YES1: variants seen among roughly 807,000 people sequenced by gnomAD.
The protein encoded by YES1 is tyrosine-protein kinase Yes.
In YES1, 39 loss-of-function variants were observed where a neutral mutation model predicts 70.4. That is an observed-to-expected ratio of 0.55 (90% CI 0.43 to 0.72). The LOEUF is 0.72. Among genes scored for constraint, YES1 ranks in the 30% least tolerant of loss-of-function variants. The pLI is 0.00. For synonymous variants in YES1, 198 were observed against 218.6 expected, an observed-to-expected ratio of 0.91 and a Z score of 0.83; for missense variants, 495 against 644.8, an observed-to-expected ratio of 0.77 and a Z score of 2.52.
intron 1 of YES1, among the ~76,000 whole-genome samples, chr18:762,639 A>C (rs1904653851): frequency 6.6e-6 from 1 of 152,198 alleles, no homozygotes; most frequent in African/African-American, 2.4e-5. Flanking sequence ...GATTAAAAAA[A>C]ACTATATACT....
At chr18:751,536 C>T (rs1442548412) in intron 3 of YES1, among the ~76,000 whole-genome samples, 169 bp downstream of exon 3, 3 of 152,184 alleles carry the variant, frequency 2.0e-5, no homozygotes, top group Non-Finnish European at 2.9e-5. Context: ...CTTCTGGCTA[C>T]AGCAGCAGTG....
intron 1 of YES1, among the ~76,000 whole-genome samples, chr18:779,170 G>A (rs1297268495): frequency 1.3e-5 from 2 of 152,104 alleles, no homozygotes; most frequent in East Asian, 3.9e-4. Context: ...GGGAGGCTGA[G>A]GTGGGAGAAT....
intron 8 of YES1, 102 bp from the exon 9 acceptor site, chr18:739,913 T>C: frequency 1.2e-6 from 1 of 819,568 alleles, no homozygotes; most frequent in Non-Finnish European, 1.7e-6. Context: ...ACTTCTTAGC[T>C]TTTCATTTTT....
intron 2 of YES1, among the ~76,000 whole-genome samples, chr18:755,455 T>C (rs2080394702): frequency 6.6e-6 from 1 of 152,168 alleles, no homozygotes; most frequent in South Asian, 2.1e-4. Context: ...TTTTGCCATG[T>C]TGCCCAGGCT....
Position 798,305 on chromosome 18 carries a change from T to G in YES1, c.-9+13809A>C, listed in dbSNP as rs536049547. On this transcript the variant is annotated intron_variant, in intron 1 of 11. Coordinates refer to ENST00000314574, the MANE Select transcript of YES1 (RefSeq NM_005433.4). ...TTCTTACTCTAGCTATAAATTTATC[T>G]CTAAGAATCATCAATATTGTTTTTC... Among the ~76,000 whole-genome samples, 46 of 152,326 alleles carry G rather than the reference T, an allele frequency of 3.0e-4. 2 individuals carry two copies. The South Asian group carries it at 8.9e-3, about 29-fold the overall frequency.
chr18:746,914 G>GTA lies in YES1; in HGVS notation c.471-865_471-864dup, dbSNP rs555307370. On this transcript the variant is annotated intron_variant, in intron 4 of 11. Transcript: ENST00000314574. The stretch of plus-strand genomic sequence containing the variant: ...TCTCTACATATGTATGTGTGTGCAT[G>GTA]TATATATATACACATGTATTTTTTC... Among the ~76,000 whole-genome samples the GTA allele has an allele frequency of 3.6e-3, 547 of 152,220 alleles. 4 individuals carry two copies. Among genetic ancestry groups the GTA allele is most frequent in the African/African-American group, 0.012 (513 of 41,524 alleles).
At chr18:759,724 T>G (rs1009633240) in intron 1 of YES1, among the ~76,000 whole-genome samples, 11 of 151,992 alleles carry the variant, frequency 7.2e-5, no homozygotes, top group Non-Finnish European at 1.6e-4. Context: ...TCTTTTATTA[T>G]TATTATACTC....
At chr18:788,757 T>A (rs1355884033) in intron 1 of YES1, among the ~76,000 whole-genome samples, 1 of 152,114 alleles carries the variant, frequency 6.6e-6, no homozygotes, top group Non-Finnish European at 1.5e-5. Flanking sequence ...CTGTCTCTAC[T>A]AAAAATATTT....
chr18:746,722 T>C (rs1247697506), intron 4 of YES1, among the ~76,000 whole-genome samples: 1 of 152,254 alleles, frequency 6.6e-6, no homozygotes, highest in Non-Finnish European at 1.5e-5. Flanking sequence ...GTAGCGTTTA[T>C]GAATCCCAGA....
Position 724,549 on chromosome 18 carries a change from C to T in YES1, c.1507G>A (p.Glu503Lys), listed in dbSNP as rs1297802051. The T allele has an allele frequency of 6.2e-7, 1 of 1,614,128 alleles. No homozygotes were observed. The highest frequency in any genetic ancestry group is 1.1e-5 in the South Asian group (1 of 91,084). The part of the protein sequence containing the change: ...CPQGCPESLH[E>K]LMNLCWKKDP... ...TTCTTCCAACACAGATTCATCAATT[C>T]ATGGAGGGATTCTGGACAGCCCTGA... Residue 503 changes from glutamate to lysine, a missense_variant, in exon 12 of 12, where the codon GAA becomes AAA. Coordinates refer to ENST00000314574, the MANE Select transcript of YES1 (RefSeq NM_005433.4).
chr18:747,690 A>T (rs955667433), intron 4 of YES1, among the ~76,000 whole-genome samples: 1 of 152,176 alleles, frequency 6.6e-6, no homozygotes, highest in Non-Finnish European at 1.5e-5. Context: ...CATAAAAGAG[A>T]GAGACTAGGC....
intron 1 of YES1, among the ~76,000 whole-genome samples, chr18:790,098 GAGTGCAGTGGCTC>G (rs1244041280): frequency 2.6e-5 from 4 of 151,794 alleles, no homozygotes; most frequent in Admixed American, 2.6e-4. Context: ...ATTCCCGGCT[GAGTGCAGTGGCTC>G]ATGCCTGTAA....
rs565943610 is a variant in YES1, at chr18:800,982, C to T, written c.-9+11132G>A. ...CCAACTTGGTGAAACTCCGTCTCTA[C>T]TAAAAATATAAAAATTAGCTGGGTG... On this transcript the variant is annotated intron_variant, in intron 1 of 11. Coordinates refer to ENST00000314574, the MANE Select transcript of YES1 (RefSeq NM_005433.4). Among the ~76,000 whole-genome samples the T allele has an allele frequency of 1.3e-3, 193 of 152,064 alleles. No individual in the cohort carries two copies. The Middle Eastern group carries it at 0.024, about 19-fold the overall frequency.
intron 1 of YES1, among the ~76,000 whole-genome samples, chr18:781,884 T>C (rs562821891): frequency 2.6e-5 from 4 of 152,312 alleles, no homozygotes; most frequent in Non-Finnish European, 4.4e-5. Flanking sequence ...TTAAGACTTA[T>C]GGCTTCAAGG....
intron 1 of YES1, among the ~76,000 whole-genome samples, chr18:770,341 CT>C (rs1201508584): frequency 6.7e-6 from 1 of 149,188 alleles, no homozygotes; most frequent in Non-Finnish European, 1.5e-5. Context: ...TCAACAAGGA[CT>C]TTCCCCTCTA....
At chr18:731,061 A>C (rs963636501) in intron 11 of YES1, among the ~76,000 whole-genome samples, 2 of 152,216 alleles carry the variant, frequency 1.3e-5, no homozygotes, top group Non-Finnish European at 2.9e-5. Flanking sequence ...ACAGTGGAGT[A>C]AAGATCCTGG....
At chr18:740,415 T>C (rs2080204393) in intron 8 of YES1, among the ~76,000 whole-genome samples, 1 of 152,190 alleles carries the variant, frequency 6.6e-6, no homozygotes, top group African/African-American at 2.4e-5. Context: ...AACAATGCTA[T>C]GGAAGACAGA....
chr18:737,080 A>T (rs2080162548), intron 9 of YES1, 119 bp from the exon 10 acceptor site: 3 of 840,032 alleles, frequency 3.6e-6, no homozygotes, highest in Non-Finnish European at 5.4e-6. Flanking sequence ...GAAGGAGATG[A>T]TGGTAACAGG....
intron 2 of YES1, among the ~76,000 whole-genome samples, chr18:752,199 C>CT (rs1448719788): frequency 1.3e-5 from 2 of 152,176 alleles, no homozygotes; most frequent in African/African-American, 4.8e-5. Flanking sequence ...CCTCTGCCTC[C>CT]TAGGTTCAAG....
Sources: gnomAD v4.1 joint callset for allele counts (sites outside exome capture counted in the v4.1 genomes callset) on GRCh38, gnomAD v4.1.1 for gene constraint, MANE v1.5 for transcripts, NCBI Gene and HGNC (gene_info 2026-07-23, HGNC 2026-07-21) for gene names.